Variants in CACNA1C observed in about 807,000 individuals in gnomAD.
CACNA1C encodes calcium voltage-gated channel subunit alpha1 C.
A neutral mutation model predicts 229.0 loss-of-function variants in CACNA1C; 30 were observed. The ratio of observed to expected loss-of-function variants is 0.13; its 90% CI spans 0.10 to 0.18. The LOEUF is 0.18. CACNA1C is among the 10% of genes least tolerant of loss of function. The pLI, the probability that CACNA1C is intolerant of heterozygous loss-of-function variation, is 1.00. For synonymous variants in CACNA1C, 1,114 were observed against 1,132.5 expected (o/e 0.98, Z 0.33); for missense variants, 1,658 against 2,845.0 (o/e 0.58, Z 9.49).
chr12:2,212,445 A>G (rs1353124348), intron 3 of CACNA1C, among the ~76,000 whole-genome samples: 1 of 152,244 alleles, frequency 6.6e-6, no homozygotes, highest in Non-Finnish European at 1.5e-5. Context: ...ACGGTTGCTT[A>G]TAAAGGAAAT....
intron 5 of CACNA1C, among the ~76,000 whole-genome samples, chr12:2,471,609 T>G (rs1252798133): frequency 6.6e-6 from 1 of 151,380 alleles, no homozygotes; most frequent in Non-Finnish European, 1.5e-5. Flanking sequence ...GATTGACAGG[T>G]TTTTTTTTCT....
chr12:2,212,124 G>T (rs772667391), intron 3 of CACNA1C, among the ~76,000 whole-genome samples: 32 of 152,190 alleles, frequency 2.1e-4, no homozygotes, highest in Non-Finnish European at 2.9e-5. Flanking sequence ...AAAGAACCAA[G>T]AAATTATTAA....
rs926905195 is a variant in CACNA1C, at chr12:2,139,264, G to A, written c.477+18834G>A. 4.0e-5 allele frequency among the ~76,000 whole-genome samples: 6 copies of A among 150,950 alleles called. No individual in the cohort carries two copies. The South Asian group carries it at 6.4e-4, about 16-fold the overall frequency. ...ATCTCTGCCTCCGTCTTCACATGGCGCGCTCCCCTGGGTGTTTGTGTCTCT... is the reference window on the plus strand; with the variant it reads ...ATCTCTGCCTCCGTCTTCACATGGCACGCTCCCCTGGGTGTTTGTGTCTCT... On this transcript the variant is annotated intron_variant, in intron 3 of 46. Transcript: ENST00000399655.
chr12:2,399,036 C>T (rs1412389827), intron 3 of CACNA1C, among the ~76,000 whole-genome samples: 1 of 152,096 alleles, frequency 6.6e-6, no homozygotes, highest in Non-Finnish European at 1.5e-5. Flanking sequence ...CTTAACACCT[C>T]CCCCCGGGGA....
chr12:1,990,361 C>T (rs1297979230), intron 1 of CACNA1C, among the ~76,000 whole-genome samples: 1 of 152,156 alleles, frequency 6.6e-6, no homozygotes, highest in East Asian at 1.9e-4. Flanking sequence ...CCCATTTTAA[C>T]AATGTTTAAA....
chr12:2,266,263 G>A (rs1032469391), intron 3 of CACNA1C, among the ~76,000 whole-genome samples: 2 of 152,210 alleles, frequency 1.3e-5, no homozygotes, highest in African/African-American at 2.4e-5. Context: ...TGGGCCGGGC[G>A]GGCAGTACTG....
intron 3 of CACNA1C, among the ~76,000 whole-genome samples, chr12:2,400,367 C>G (rs529525703): frequency 6.6e-6 from 1 of 152,120 alleles, no homozygotes; most frequent in African/African-American, 2.4e-5. Context: ...GTGGTGCCTA[C>G]GGGGCAGGGG....
chr12:2,081,833 G>C lies in CACNA1C; in HGVS notation c.49+28222G>C, dbSNP rs376927836. ...TCAGGGAAATAATGAACTATTATTTGAAATATTTCATAATTCAAAAGAAAG... is the reference window on the plus strand; with the variant it reads ...TCAGGGAAATAATGAACTATTATTTCAAATATTTCATAATTCAAAAGAAAG... On this transcript the variant is annotated intron_variant, in intron 1 of 46. Coordinates refer to ENST00000399655, the MANE Select transcript of CACNA1C (RefSeq NM_000719.7). Among the ~76,000 whole-genome samples the C allele has an allele frequency of 2.6e-5, 4 of 152,258 alleles. No homozygotes were observed. In the South Asian group the frequency reaches 8.3e-4, roughly 32 times the overall value.
Position 1,971,217 on chromosome 12 carries a change from G to A in CACNA1C, c.139+16G>A, listed in dbSNP as rs1158548040. On this transcript the variant is annotated intron_variant, in intron 1 of 46. Coordinates refer to the CACNA1C transcript ENST00000682462. This position sits in a 1 kb window ranked among gnomAD's most constrained non-coding sequence, Gnocchi z 4.2. ...TCTCCTGGAGGTAAGAAACCCTAAAGTGAAATAAAGAGTAGGAAGAACATG... is the reference window on the plus strand; with the variant it reads ...TCTCCTGGAGGTAAGAAACCCTAAAATGAAATAAAGAGTAGGAAGAACATG... The A allele has an allele frequency of 1.6e-6, 2 of 1,270,498 alleles. No homozygotes were observed. The highest frequency in any genetic ancestry group is 1.1e-4 in the East Asian group (2 of 17,904). 78.7% of individuals were successfully genotyped at this position (1,270,498 alleles called of 1,614,324 possible).
At chr12:2,441,413 C>G (rs2099224890) in intron 3 of CACNA1C, among the ~76,000 whole-genome samples, 1 of 152,200 alleles carries the variant, frequency 6.6e-6, no homozygotes, top group South Asian at 2.1e-4. Flanking sequence ...CTGTGTTCCT[C>G]TAAAGCACAA....
intron 1 of CACNA1C, among the ~76,000 whole-genome samples, chr12:2,094,050 C>T (rs950716128): frequency 2.0e-5 from 3 of 152,260 alleles, no homozygotes; most frequent in African/African-American, 7.2e-5. Context: ...AAAGATTCCA[C>T]ATACATGCTG....
intron 9 of CACNA1C, among the ~76,000 whole-genome samples, chr12:2,536,853 A>G (rs1485032062): frequency 6.6e-6 from 1 of 152,092 alleles, no homozygotes; most frequent in East Asian, 1.9e-4. Context: ...TAAAAAATCA[A>G]ATGAAGGGCT....
chr12:2,004,442 TC>T (rs2042966201), intron 1 of CACNA1C: 1 of 1,602,362 alleles, frequency 6.2e-7, no homozygotes, highest in South Asian at 1.1e-5. Flanking sequence ...CTTCCCTCCC[TC>T]CCAGACATAG....
At chr12:2,420,431 G>A (rs1312890510) in intron 3 of CACNA1C, among the ~76,000 whole-genome samples, 1 of 152,208 alleles carries the variant, frequency 6.6e-6, no homozygotes. Flanking sequence ...ATAAAGGAAA[G>A]GCTTCTTGTC....
At chr12:2,688,831 C>A in intron 46 of CACNA1C, 52 bp downstream of exon 46, 1 of 1,373,914 alleles carries the variant, frequency 7.3e-7, no homozygotes, top group Non-Finnish European at 9.6e-7. Flanking sequence ...AACAAGGGGA[C>A]TTGGCATGCG....
At chr12:2,342,768 C>T (rs1421228225) in intron 3 of CACNA1C, among the ~76,000 whole-genome samples, 1 of 152,206 alleles carries the variant, frequency 6.6e-6, no homozygotes, top group Non-Finnish European at 1.5e-5. Flanking sequence ...TTGAGGTATA[C>T]CAGTTCTTTG....
intron 1 of CACNA1C, among the ~76,000 whole-genome samples, chr12:2,082,327 C>T (rs1054837742): frequency 1.3e-5 from 2 of 152,184 alleles, no homozygotes; most frequent in African/African-American, 4.8e-5. Context: ...CGCTTTTCCC[C>T]TCTCACACAT....
chr12:2,236,155 G>A (rs549180172), intron 3 of CACNA1C, among the ~76,000 whole-genome samples: 1 of 152,302 alleles, frequency 6.6e-6, no homozygotes, highest in Non-Finnish European at 1.5e-5. Flanking sequence ...AGACCTCACA[G>A]TGTCTCTCAG....
chr12:2,113,901 G>A (rs2082762248), intron 1 of CACNA1C, among the ~76,000 whole-genome samples: 1 of 152,228 alleles, frequency 6.6e-6, no homozygotes, highest in Non-Finnish European at 1.5e-5. Context: ...CACCAGAGCA[G>A]GGCAGCTGTC....
Sources: allele counts gnomAD v4.1 joint callset (sites outside exome capture counted in the v4.1 genomes callset), GRCh38; gene constraint gnomAD v4.1.1; non-coding constraint Gnocchi (gnomAD v3.1); transcripts MANE v1.5; gene names NCBI Gene and HGNC (gene_info 2026-07-23, HGNC 2026-07-21).